RPS29: variants seen among roughly 807,000 people sequenced by gnomAD.
RPS29 encodes the protein small ribosomal subunit protein uS14.
For synonymous variants in RPS29, 37 were observed against 26.9 expected, an observed-to-expected ratio of 1.37 and a Z score of -1.16; for missense variants, 60 against 75.7, an observed-to-expected ratio of 0.79 and a Z score of 0.77.
At chr14:49,582,184 G>A (rs1881359285), downstream of RPS29, among the ~76,000 whole-genome samples, 1 of 152,114 alleles carries the variant, frequency 6.6e-6, no homozygotes, top group Non-Finnish European at 1.5e-5. Context: ...TGTTGTCCCA[G>A]GTACTTGGGA....
downstream of RPS29, among the ~76,000 whole-genome samples, chr14:49,578,664 G>A (rs1318582514): frequency 1.4e-5 from 2 of 144,912 alleles, no homozygotes; most frequent in Non-Finnish European, 3.0e-5. Flanking sequence ...CGGTTCAAGC[G>A]ATTCTTGTGC....
downstream of RPS29, among the ~76,000 whole-genome samples, chr14:49,578,675 C>A (rs148850237): frequency 6.5e-3 from 974 of 149,916 alleles, 5 homozygotes; most frequent in Non-Finnish European, 8.2e-3. Context: ...ATTCTTGTGC[C>A]TCAGCCCCCC....
At position 49,593,716 on chromosome 14, in the gene RPS29, A is replaced by AG. The variant is rs1881763686; in HGVS notation, c.-133+4683dup. 4.0e-5 allele frequency among the ~76,000 whole-genome samples: 6 copies of AG among 148,712 alleles called. 1 individual carries two copies. The highest frequency in any genetic ancestry group is 1.5e-4 in the African/African-American group (6 of 40,366). On this transcript the variant is annotated intron_variant, in intron 1 of 3. Transcript: ENST00000556230. The stretch of plus-strand genomic sequence containing the variant: ...TCAAAAAAAAAAAAAAAAAAAAAAA[A>AG]GACGTTTTAAAATGCAGAGGTGAGC...
intron 1 of RPS29, among the ~76,000 whole-genome samples, chr14:49,594,564 T>C (rs1881781207): frequency 6.6e-6 from 1 of 151,834 alleles, no homozygotes; most frequent in Non-Finnish European, 1.5e-5. Context: ...CTTAGAGGAG[T>C]GAAAGTTGCA....
chr14:49,585,891 A>C, intron 2 of RPS29, 59 bp downstream of exon 2: 1 of 1,352,016 alleles, frequency 7.4e-7, no homozygotes, highest in Non-Finnish European at 1.1e-6. Flanking sequence ...TTCGCGGAAA[A>C]AATAACCCCC....
chr14:49,596,181 T>G (rs927981899), intron 1 of RPS29, among the ~76,000 whole-genome samples: 1 of 152,180 alleles, frequency 6.6e-6, no homozygotes, highest in Admixed American at 6.5e-5. Context: ...TTTGATCATA[T>G]TAATTAATAT....
chr14:49,587,162 C>G (rs1881606519), upstream of RPS29, among the ~76,000 whole-genome samples: 1 of 151,604 alleles, frequency 6.6e-6, no homozygotes, highest in Non-Finnish European at 1.5e-5. Flanking sequence ...ACACCTACAC[C>G]ATTCCAAAAA....
intron 1 of RPS29, among the ~76,000 whole-genome samples, chr14:49,596,304 TGTA>T (rs1881821457): frequency 6.6e-6 from 1 of 152,158 alleles, no homozygotes; most frequent in Non-Finnish European, 1.5e-5. Context: ...GTCAAAAACT[TGTA>T]GTCCAATTAT....
chr14:49,571,978 T>C (rs1049772271), exon 3 of RPS29: 2 of 152,212 alleles, frequency 1.3e-5, no homozygotes, highest in Non-Finnish European at 2.9e-5. Context: ...TGAGACCCAG[T>C]CTCACTCTGT....
exon 3 of RPS29, chr14:49,575,956 T>G (rs1182091221): frequency 6.6e-6 from 1 of 152,234 alleles, no homozygotes; most frequent in East Asian, 1.9e-4. Flanking sequence ...TCTATTCTTT[T>G]AAAATTCTAA....
intron 1 of RPS29, among the ~76,000 whole-genome samples, chr14:49,593,764 G>A (rs552089338): frequency 7.8e-4 from 117 of 149,984 alleles, no homozygotes; most frequent in Non-Finnish European, 1.4e-3. Flanking sequence ...GGTATACTGG[G>A]GGCAGGTGCT....
upstream of RPS29, among the ~76,000 whole-genome samples, chr14:49,588,229 T>C (rs1219998039): frequency 1.3e-5 from 2 of 152,310 alleles, no homozygotes; most frequent in Non-Finnish European, 2.9e-5. Flanking sequence ...CCTAAAGAAG[T>C]GAATTCATTT....
upstream of RPS29, chr14:49,586,613 C>G (rs1881571687): frequency 2.0e-6 from 1 of 493,356 alleles, no homozygotes. Context: ...GTAGTCCCAG[C>G]TACTCGGGAG....
chr14:49,586,292 G>A lies in RPS29; in HGVS notation c.55C>T (p.Arg19Cys). ...TCACAAACTATTTCTCACCAAGAGC[G>A]AGAACCCTGGCCGAATTTTCGCGGG... Reference protein sequence around the residue: ...SHPRKFGQGSRSCRVCSNRHG... With the variant: ...SHPRKFGQGSCSCRVCSNRHG... Residue 19 changes from arginine (R) to cysteine (C), a missense_variant, in exon 1 of 3, where the codon CGC becomes TGC. By Grantham distance (180) the Arg-to-Cys change is radical. Transcript: ENST00000245458. The A allele has an allele frequency of 6.2e-7, 1 of 1,613,752 alleles. No individual in the cohort carries two copies. The highest frequency in any genetic ancestry group is 8.5e-7 in the Non-Finnish European group (1 of 1,179,668).
downstream of RPS29, among the ~76,000 whole-genome samples, chr14:49,583,333 G>A (rs1487014105): frequency 2.6e-5 from 4 of 152,058 alleles, no homozygotes; most frequent in East Asian, 1.9e-4. Flanking sequence ...AGCAGATCAC[G>A]AAGTCAAGAG....
chr14:49,598,485 T>G (rs1881889958), exon 1 of RPS29: 1 of 702,180 alleles, frequency 1.4e-6, no homozygotes, highest in Non-Finnish European at 2.6e-6. Context: ...CAGGTGTGCC[T>G]CCGGAGAGCA....
chr14:49,590,759 C>T (rs1292222615), upstream of RPS29, among the ~76,000 whole-genome samples: 3 of 151,196 alleles, frequency 2.0e-5, no homozygotes, highest in Non-Finnish European at 2.9e-5. Flanking sequence ...AGGGCCATCT[C>T]GGCTCACTGC....
At chr14:49,584,882 A>T (rs1881468733) in intron 2 of RPS29, among the ~76,000 whole-genome samples, 1 of 151,900 alleles carries the variant, frequency 6.6e-6, no homozygotes, top group Admixed American at 6.6e-5. Flanking sequence ...CACCTTAAAA[A>T]AAAAAACCCA....
rs113665422 is a variant in RPS29, at chr14:49,592,807, C to T, written c.-133+5593G>A. Among the ~76,000 whole-genome samples the T allele has an allele frequency of 8.2e-3, 1,245 of 151,748 alleles. 15 individuals carry two copies. Among genetic ancestry groups the T allele is most frequent in the African/African-American group, 0.029 (1,187 of 41,400 alleles). On this transcript the variant is annotated intron_variant, in intron 1 of 3. Coordinates refer to the RPS29 transcript ENST00000556230. ...CCTGTAATCCCAGCTACTCAGGAGG[C>T]TGAGACAGGAGAATCGTTTGAACCC...
Sources: gnomAD v4.1 joint callset for allele counts (sites outside exome capture counted in the v4.1 genomes callset) on GRCh38, gnomAD v4.1.1 for gene constraint, MANE v1.5 for transcripts, NCBI Gene and HGNC (gene_info 2026-07-23, HGNC 2026-07-21) for gene names.